Variants in VIT observed in about 807,000 individuals in gnomAD.
VIT encodes the protein vitrin.
VIT carries 99 observed loss-of-function variants against 78.0 expected under a neutral mutation model. The observed-to-expected ratio is 1.27, with a 90% confidence interval of 1.08 to 1.50. VIT has a LOEUF of 1.50. Among genes scored for constraint, VIT ranks in the 40% most tolerant of loss-of-function variants. VIT has a pLI of 0.00. For missense variants in VIT, 1,126 were observed against 875.3 expected (o/e 1.29, Z -3.61); for synonymous variants, 374 against 334.3 (o/e 1.12, Z -1.29).
chr2:36,741,372 G>A (rs1344317735), intron 3 of VIT, among the ~76,000 whole-genome samples: 2 of 152,154 alleles, frequency 1.3e-5, no homozygotes, highest in South Asian at 2.1e-4. Context: ...GAAGCACAGC[G>A]CTCTACTTCT....
intron 2 of VIT, among the ~76,000 whole-genome samples, chr2:36,717,378 G>A (rs1411648899): frequency 2.1e-5 from 3 of 141,412 alleles, no homozygotes; most frequent in African/African-American, 8.3e-5. Context: ...GTGTGTGTGT[G>A]TGTGTGTGTG....
intron 12 of VIT, among the ~76,000 whole-genome samples, chr2:36,796,491 G>T (rs1180739233): frequency 6.6e-6 from 1 of 152,118 alleles, no homozygotes; most frequent in Admixed American, 6.5e-5. Flanking sequence ...ATGTGGTAGG[G>T]GAAAGAGACA....
Position 36,787,284 on chromosome 2 carries a change from C to G in VIT, c.1058+8C>G, listed in dbSNP as rs777160863. On this transcript the variant is annotated splice_region_variant and intron_variant, in intron 12 of 15. Transcript: ENST00000379242. ...GGGTGTTGTCCAGTATGGGTAAGTG[C>G]AGTTAATGTTCTGAATCCAGAAAGG... 1.9e-6 allele frequency: 3 copies of G among 1,607,714 alleles called. No individual in the cohort carries two copies. In the South Asian group the frequency reaches 3.3e-5, roughly 18 times the overall value.
intron 13 of VIT, 54 bp from the exon 14 acceptor site, chr2:36,805,384 C>T: frequency 1.3e-6 from 2 of 1,518,670 alleles, no homozygotes; most frequent in South Asian, 1.3e-5. Flanking sequence ...TGATCTCTTC[C>T]TGTATTTATA....
intron 1 of VIT, among the ~76,000 whole-genome samples, chr2:36,701,878 G>A (rs1204575998): frequency 6.6e-6 from 1 of 152,214 alleles, no homozygotes; most frequent in Non-Finnish European, 1.5e-5. Flanking sequence ...AACAGCAGGA[G>A]CAAATATTTT....
intron 1 of VIT, among the ~76,000 whole-genome samples, chr2:36,700,931 C>G (rs560436722): frequency 6.6e-6 from 1 of 152,062 alleles, no homozygotes; most frequent in African/African-American, 2.4e-5. Context: ...TTGTCCGAAG[C>G]CACACAGCTA....
chr2:36,704,061 G>T (rs1233093764), intron 1 of VIT, among the ~76,000 whole-genome samples: 1 of 151,974 alleles, frequency 6.6e-6, no homozygotes, highest in Non-Finnish European at 1.5e-5. Flanking sequence ...GAGTAGCTGG[G>T]ATTACAGGTG....
At chr2:36,729,054 T>C (rs923003497) in intron 2 of VIT, among the ~76,000 whole-genome samples, 4 of 152,166 alleles carry the variant, frequency 2.6e-5, no homozygotes, top group Non-Finnish European at 5.9e-5. Flanking sequence ...CTATACCTTT[T>C]TTATGTTTAG....
chr2:36,786,067 G>A (rs952065223), intron 11 of VIT, among the ~76,000 whole-genome samples: 2 of 152,162 alleles, frequency 1.3e-5, no homozygotes, highest in African/African-American at 4.8e-5. Context: ...GCAGATTAGA[G>A]AGGTGCAGGT....
intron 7 of VIT, among the ~76,000 whole-genome samples, chr2:36,767,955 G>T (rs1188066394): frequency 6.6e-6 from 1 of 152,178 alleles, no homozygotes; most frequent in Non-Finnish European, 1.5e-5. Flanking sequence ...TATTGTCTTA[G>T]CAATGTTTTC....
intron 1 of VIT, among the ~76,000 whole-genome samples, chr2:36,698,816 T>C (rs1295833238): frequency 6.6e-6 from 1 of 151,806 alleles, no homozygotes; most frequent in South Asian, 2.1e-4. Context: ...TGATGGCGGG[T>C]GCCTGTAATC....
chr2:36,788,739 T>G (rs1375711924), intron 12 of VIT, among the ~76,000 whole-genome samples: 1 of 152,192 alleles, frequency 6.6e-6, no homozygotes, highest in African/African-American at 2.4e-5. Flanking sequence ...CTTAGTCAGT[T>G]TTACTGGGAG....
intron 3 of VIT, among the ~76,000 whole-genome samples, chr2:36,741,407 G>A (rs1438142011): frequency 6.6e-6 from 1 of 152,134 alleles, no homozygotes; most frequent in Non-Finnish European, 1.5e-5. Flanking sequence ...AATTGCTTAA[G>A]CCTGTGATCA....
intron 12 of VIT, among the ~76,000 whole-genome samples, chr2:36,796,994 T>G (rs926667385): frequency 1.3e-5 from 2 of 152,178 alleles, no homozygotes; most frequent in African/African-American, 4.8e-5. Context: ...ATGTAAAAAA[T>G]GTACAAATAA....
chr2:36,813,794 C>G (rs779200366), intron 15 of VIT, among the ~76,000 whole-genome samples: 1 of 152,200 alleles, frequency 6.6e-6, no homozygotes, highest in African/African-American at 2.4e-5. Flanking sequence ...GTCATGTATT[C>G]TGATCTGCAT....
chr2:36,781,762 T>C lies in VIT; in HGVS notation c.838T>C (p.Leu280=). Residue 280 remains leucine (L), a synonymous_variant, in exon 10 of 16, where the codon TTA becomes CTA. Transcript: ENST00000379242. ...MDSWKPGSVL[L]DEGLVPKEEL... The stretch of plus-strand genomic sequence containing the variant: ...CTCATGGAAACCTGGATCGGTCCTT[T>C]TAGATGAAGGTAATTATACAGCCCA... The C allele has an allele frequency of 6.2e-7, 1 of 1,614,120 alleles. No homozygotes were observed. The highest frequency in any genetic ancestry group is 8.5e-7 in the Non-Finnish European group (1 of 1,180,022).
rs780676503 is a variant in VIT, at chr2:36,808,605, C to T, written c.1523C>T (p.Ser508Leu). 15 of 1,614,204 alleles carry T rather than the reference C, an allele frequency of 9.3e-6. No homozygotes were observed. Among genetic ancestry groups the T allele is most frequent in the South Asian group, 2.2e-5 (2 of 91,084 alleles). The change falls in exon 15 of 16, where the codon TCG becomes TTG. Residue 508 changes from serine (S) to leucine (L), a missense_variant. Ser to Leu is a moderately radical substitution (Grantham distance 145, BLOSUM62 -2). Coordinates refer to ENST00000379242, the MANE Select transcript of VIT (RefSeq NM_053276.4). ...GCCTGCAGCAAGACCTGCTTGAACT[C>T]GGCTGACATTGGCTTCGTCATCGAC... ...RLACSKTCLNSADIGFVIDGS... is the reference protein window; with the variant it reads ...RLACSKTCLNLADIGFVIDGS...
chr2:36,751,030 C>T lies in VIT; in HGVS notation c.276-3891C>T, dbSNP rs1412415078. ...ATCCCAACACTTTGGGAGGCCAAGG[C>T]GGGAAGATCACCCGAGGTCAGGAGT... On this transcript the variant is annotated intron_variant, in intron 4 of 15. Transcript: ENST00000379242. Among the ~76,000 whole-genome samples, 17 of 152,030 alleles carry T rather than the reference C, an allele frequency of 1.1e-4. 1 individual carries two copies. Among genetic ancestry groups the T allele is most frequent in the Non-Finnish European group, 4.4e-5 (3 of 67,998 alleles).
chr2:36,776,548 C>A (rs1318598279), intron 9 of VIT, among the ~76,000 whole-genome samples: 1 of 152,116 alleles, frequency 6.6e-6, no homozygotes, highest in Non-Finnish European at 1.5e-5. Context: ...CGCCGGTAAT[C>A]CCAGCACTTT....
Sources: gnomAD v4.1 joint callset for allele counts (sites outside exome capture counted in the v4.1 genomes callset) on GRCh38, gnomAD v4.1.1 for gene constraint, MANE v1.5 for transcripts, NCBI Gene and HGNC (gene_info 2026-07-23, HGNC 2026-07-21) for gene names.